Variants in FGFRL1 observed in about 807,000 individuals in gnomAD.
FGFRL1 encodes fibroblast growth factor receptor-like 1.
A neutral mutation model predicts 36.8 loss-of-function variants in FGFRL1; 24 were observed. That is an observed-to-expected ratio of 0.65 (90% CI 0.47 to 0.92). FGFRL1 has a LOEUF of 0.92. Among genes scored for constraint, FGFRL1 ranks in the 40% least tolerant of loss-of-function variants. The pLI is 0.00. For synonymous variants in FGFRL1, 422 were observed against 344.1 expected, an observed-to-expected ratio of 1.23 and a Z score of -2.50; for missense variants, 785 against 753.4, an observed-to-expected ratio of 1.04 and a Z score of -0.49.
In FGFRL1 at chr4:1,014,197, G is replaced by A. The variant is rs1187248735; in HGVS notation, c.79+1633G>A. On this transcript the variant is annotated intron_variant, in intron 2 of 6. Transcript: ENST00000510644. ...TCATAAGTTCTGGAATCGGCACATC[G>A]CTACACTCAGATCATATTTTAAAAG... Among the ~76,000 whole-genome samples, 3 of 152,018 alleles carry A rather than the reference G, an allele frequency of 2.0e-5. No homozygotes were observed. The East Asian group carries it at 5.8e-4, about 29-fold the overall frequency.
At position 1,022,435 on chromosome 4, in the gene FGFRL1, C is replaced by T. The variant is rs1481889761; in HGVS notation, c.312C>T (p.Gly104=). ...AGVYVCKATN[G]FGSLSVNYTL... ...TGTACGTGTGCAAGGCCACCAACGG[C>T]TTCGGCAGCCTGAGCGTCAACTACA... Residue 104 remains glycine (G), a synonymous_variant, in exon 3 of 7, where the codon GGC becomes GGT. Transcript: ENST00000510644. The T allele has an allele frequency of 3.1e-6, 5 of 1,609,732 alleles. No homozygotes were observed.
chr4:1,017,460 T>C (rs1420314233), intron 2 of FGFRL1, among the ~76,000 whole-genome samples: 1 of 152,158 alleles, frequency 6.6e-6, no homozygotes, highest in Non-Finnish European at 1.5e-5. Context: ...GCTGTGTTGT[T>C]GACCAGCATC....
chr4:1,012,260 G>A (rs1385660433), intron 1 of FGFRL1: 1 of 507,268 alleles, frequency 2.0e-6, no homozygotes, highest in Non-Finnish European at 3.4e-6. Flanking sequence ...TGGAGAGGGG[G>A]GGCGGCGGGG....
At chr4:1,012,645 G>C in intron 2 of FGFRL1, 81 bp downstream of exon 2, 1 of 553,558 alleles carries the variant, frequency 1.8e-6, no homozygotes, top group South Asian at 3.7e-5. Flanking sequence ...CCCTGCCACA[G>C]TGCCCGCCTG....
In FGFRL1 at chr4:1,023,524, T is replaced by C; in HGVS notation, c.353-117T>C. The C allele has an allele frequency of 3.2e-6, 3 of 932,846 alleles. No individual in the cohort carries two copies. The highest frequency in any genetic ancestry group is 2.9e-5 in the South Asian group (2 of 68,804). The allele number at this position is 932,846 out of a possible 1,614,324, so 57.8% of individuals were successfully genotyped here. On this transcript the variant is annotated intron_variant, in intron 3 of 6. Transcript: ENST00000510644. This position sits in a 1 kb window ranked among gnomAD's most constrained non-coding sequence, Gnocchi z 6.0. ...TGGGTGTGTGGCGCAGCCCCCTGCC[T>C]GGGTGTCCAGGGCTGTCCCGGCTGG...
intron 2 of FGFRL1, among the ~76,000 whole-genome samples, chr4:1,012,794 G>A (rs2153024911): frequency 6.6e-6 from 1 of 152,362 alleles, no homozygotes; most frequent in East Asian, 1.9e-4. Flanking sequence ...CGTGCTTGCT[G>A]GCCAGGTGGG....
Position 1,025,071 on chromosome 4 carries a change from C to T in FGFRL1, c.1239C>T (p.Pro413=), listed in dbSNP as rs1157769971. 5 of 1,609,926 alleles carry T rather than the reference C, an allele frequency of 3.1e-6. No homozygotes were observed. The South Asian group carries it at 5.5e-5, about 18-fold the overall frequency. Residue 413 remains proline (P), a synonymous_variant, in exon 7 of 7, where the codon CCC becomes CCT. Transcript: ENST00000510644. ...KKPCTPAPAP[P]LPGHRPPGTA... ...CGTGCACCCCCGCGCCTGCCCCTCC[C>T]CTGCCTGGGCACCGCCCGCCGGGGA...
chr4:1,015,945 C>T lies in FGFRL1; in HGVS notation c.79+3381C>T, dbSNP rs987843913. On this transcript the variant is annotated intron_variant, in intron 2 of 6. Coordinates refer to ENST00000510644, the MANE Select transcript of FGFRL1 (RefSeq NM_001004356.3). ...CAGTACCATGCACCAGGGTGCCTGA[C>T]GCAGGCATCACTGTGTGTCCTGGAG... Among the ~76,000 whole-genome samples the T allele has an allele frequency of 6.6e-5, 10 of 152,242 alleles. No individual in the cohort carries two copies. In the East Asian group the frequency reaches 1.5e-3, roughly 23 times the overall value.
chr4:1,022,793 G>C (rs924346964), intron 3 of FGFRL1, among the ~76,000 whole-genome samples: 1 of 152,210 alleles, frequency 6.6e-6, no homozygotes, highest in Non-Finnish European at 1.5e-5. Flanking sequence ...TGTGCCGGCC[G>C]TCGGCTGTGA....
chr4:1,022,185 C>T lies in FGFRL1; in HGVS notation c.80-18C>T. On this transcript the variant is annotated intron_variant, in intron 2 of 6. Coordinates refer to ENST00000510644, the MANE Select transcript of FGFRL1 (RefSeq NM_001004356.3). ...CCCAAGCCCCTCCTCGCTGACTGTT[C>T]CTCGGTCCCACCCGCAGGCCCCCCA... 6.7e-7 allele frequency: 1 copy of T among 1,500,882 alleles called. No homozygotes were observed. Among genetic ancestry groups the T allele is most frequent in the Non-Finnish European group, 8.9e-7 (1 of 1,123,440 alleles). 93.0% of individuals were successfully genotyped at this position (1,500,882 alleles called of 1,614,324 possible).
In FGFRL1 at chr4:1,023,637, G is replaced by C; in HGVS notation, c.353-4G>C. On this transcript the variant is annotated splice_polypyrimidine_tract_variant and splice_region_variant and intron_variant, in intron 3 of 6. Transcript: ENST00000510644. This position sits in a 1 kb window ranked among gnomAD's most constrained non-coding sequence, Gnocchi z 6.0. ...CCTCCCTGTGCACCTCCGTCTCTCT[G>C]CAGATGACATTAGCCCAGGGAAGGA... is the stretch of plus-strand genomic sequence containing the variant. 6.3e-7 allele frequency: 1 copy of C among 1,599,760 alleles called. No homozygotes were observed. Among genetic ancestry groups the C allele is most frequent in the Non-Finnish European group, 8.5e-7 (1 of 1,175,392 alleles).
chr4:1,016,050 C>T (rs1340541718), intron 2 of FGFRL1, among the ~76,000 whole-genome samples: 1 of 152,196 alleles, frequency 6.6e-6, no homozygotes, highest in Non-Finnish European at 1.5e-5. Context: ...CTGTCCCCAG[C>T]TCTGTCCTTG....
At chr4:1,012,884 T>A (rs1715678358) in intron 2 of FGFRL1, among the ~76,000 whole-genome samples, 1 of 152,254 alleles carries the variant, frequency 6.6e-6, no homozygotes, top group Non-Finnish European at 1.5e-5. Context: ...GGGCAGCTAA[T>A]CACCTGTGGA....
In FGFRL1 at chr4:1,024,469, A is replaced by G. The variant is rs752493793; in HGVS notation, c.877A>G (p.Asn293Asp). 2.5e-6 allele frequency: 4 copies of G among 1,612,492 alleles called. No individual in the cohort carries two copies. Among genetic ancestry groups the G allele is most frequent in the Non-Finnish European group, 2.5e-6 (3 of 1,179,808 alleles). Residue 293 changes from asparagine to aspartate, a missense_variant, in exon 6 of 7, where the codon AAC becomes GAC. Physicochemically the swap from Asn to Asp is conservative, Grantham distance 23 (BLOSUM62 1). Coordinates refer to ENST00000510644, the MANE Select transcript of FGFRL1 (RefSeq NM_001004356.3). ...RVEYGAEGRH[N>D]STIDVGGQKF... Reference sequence around the variant, plus strand: ...GGAGTACGGCGCCGAGGGCCGCCACAACTCCACCATCGATGTGGGCGGCCA... The same window carrying G: ...GGAGTACGGCGCCGAGGGCCGCCACGACTCCACCATCGATGTGGGCGGCCA...
intron 2 of FGFRL1, among the ~76,000 whole-genome samples, chr4:1,020,598 A>T (rs1577564367): frequency 7.7e-6 from 1 of 130,708 alleles, no homozygotes; most frequent in South Asian, 2.8e-4. Flanking sequence ...GCCCAGAGGC[A>T]CCCAGGCAGG....
Position 1,025,449 on chromosome 4 carries a change from G to A in FGFRL1, c.*102G>A. ...ACGAAGGCAGGGGACCCATGGCGAG[G>A]AGGAATGGCCAGCACCCCAGGCAGT... is the stretch of plus-strand genomic sequence containing the variant. On this transcript the variant is annotated 3_prime_UTR_variant, in exon 7 of 7. Coordinates refer to ENST00000510644, the MANE Select transcript of FGFRL1 (RefSeq NM_001004356.3). 2.1e-6 allele frequency: 3 copies of A among 1,411,494 alleles called. No homozygotes were observed. Among genetic ancestry groups the A allele is most frequent in the Non-Finnish European group, 1.9e-6 (2 of 1,047,562 alleles). The allele number at this position is 1,411,494 out of a possible 1,614,324, so 87.4% of individuals were successfully genotyped here.
In FGFRL1 at chr4:1,023,749, G is replaced by A. The variant is rs1191558980; in HGVS notation, c.433+28G>A. ...GAGCAGGGGGTGACGGGGGTGGGGG[G>A]CGTCCGTCTGTCCCGGCCCCTTGGC... is the stretch of plus-strand genomic sequence containing the variant. On this transcript the variant is annotated intron_variant, in intron 4 of 6. Transcript: ENST00000510644. The surrounding 1 kb of genome is among the most constrained non-coding windows in gnomAD (Gnocchi z 6.0). The A allele has an allele frequency of 2.6e-6, 4 of 1,548,490 alleles. No individual in the cohort carries two copies. The highest frequency in any genetic ancestry group is 4.7e-5 in the East Asian group (2 of 42,554).
At chr4:1,012,711 G>A (rs1401006383) in intron 2 of FGFRL1, 147 bp downstream of exon 2, 2 of 418,820 alleles carry the variant, frequency 4.8e-6, no homozygotes, top group Non-Finnish European at 8.3e-6. Flanking sequence ...TTCCTTCCAG[G>A]GCCCCCTCAC....
chr4:1,023,717 G>A lies in FGFRL1; in HGVS notation c.429G>A (p.Gln143=). ...SGGQEDPASQ[Q]WARPRFTQPS... ...GTCAAGAGGACCCCGCCAGCCAGCA[G>A]TGGGGTGAGCAGGGGGTGACGGGGG... The change falls in exon 4 of 7, where the codon CAG becomes CAA. Residue 143 remains glutamine, a synonymous_variant. Transcript: ENST00000510644. This position sits in a 1 kb window ranked among gnomAD's most constrained non-coding sequence, Gnocchi z 6.0. The A allele has an allele frequency of 1.3e-6, 2 of 1,583,208 alleles. No homozygotes were observed. Among genetic ancestry groups the A allele is most frequent in the Non-Finnish European group, 1.7e-6 (2 of 1,166,552 alleles).
Sources: gnomAD v4.1 joint callset for allele counts (sites outside exome capture counted in the v4.1 genomes callset) on GRCh38, gnomAD v4.1.1 for gene constraint, Gnocchi (gnomAD v3.1) non-coding constraint, MANE v1.5 for transcripts, NCBI Gene and HGNC (gene_info 2026-07-23, HGNC 2026-07-21) for gene names.